The following ZFP37 variants were observed in gnomAD, a reference collection of about 807,000 sequenced individuals.
The protein encoded by ZFP37 is ZFP37 zinc finger protein, also known as zinc finger protein 37 homolog.
A neutral mutation model predicts 52.1 loss-of-function variants in ZFP37; 38 were observed. That is an observed-to-expected ratio of 0.73 (90% confidence interval 0.56 to 0.96). ZFP37 has a LOEUF of 0.96. Among genes scored for constraint, ZFP37 ranks in the 40% least tolerant of loss-of-function variants. The pLI is 0.00. For missense variants in ZFP37, 695 were observed against 741.4 expected (o/e 0.94, Z 0.73); for synonymous variants, 253 against 259.5 (o/e 0.98, Z 0.24).
Position 113,044,054 on chromosome 9 carries a change from TA to T in ZFP37, c.563del (p.Leu188Ter). The T allele has an allele frequency of 6.2e-7, 1 of 1,610,460 alleles. No individual in the cohort carries two copies. The highest frequency in any genetic ancestry group is 8.5e-7 in the Non-Finnish European group (1 of 1,179,166). The part of the protein sequence containing the change: ...ESCGKILKQN[L>X]DLPDHSRNCV... ...AGTTTCTTGAGTGATCAGGTAAATC[TA>T]AATTCTGTTTCAAAATTTTTCCACA... On this transcript the variant is annotated frameshift_variant, in exon 4 of 4. Transcript: ENST00000374227. LOFTEE classifies it high-confidence loss of function.
At position 113,043,118 on chromosome 9, in the gene ZFP37, A is replaced by G. The variant is rs1448913358; in HGVS notation, c.1500T>C (p.His500=). 9.3e-6 allele frequency: 15 copies of G among 1,613,490 alleles called. No homozygotes were observed. Among genetic ancestry groups the G allele is most frequent in the Non-Finnish European group, 1.3e-5 (15 of 1,179,940 alleles). ...TCATATGGTAAGTAAGAGATGAGCT[A>G]TGTCCAAAGGCTTTTCCACACTCAT... is the stretch of plus-strand genomic sequence containing the variant. ...KCNECGKAFG[H]SSSLTYHMRT... is the part of the protein sequence containing the mutation. Residue 500 remains histidine, a synonymous_variant, in exon 4 of 4, where the codon CAT becomes CAC. Transcript: ENST00000374227.
chr9:113,043,299 T>C lies in ZFP37; in HGVS notation c.1319A>G (p.Lys440Arg). The change falls in exon 4 of 4, where the codon AAA (lysine) becomes AGA (arginine). Residue 440 changes from lysine to arginine, a missense_variant. Lys to Arg is a conservative substitution (Grantham distance 26). Coordinates refer to ENST00000374227, the MANE Select transcript of ZFP37 (RefSeq NM_003408.3). ...AAGGGATGAGCTATACTTAAAGGCT[T>C]TTCCACATTCATTGCATTCATATGG... ...EIPYECNECG[K>R]AFKYSSSLTK... 6.2e-7 allele frequency: 1 copy of C among 1,614,040 alleles called. No homozygotes were observed. The highest frequency in any genetic ancestry group is 8.5e-7 in the Non-Finnish European group (1 of 1,179,964).
At position 113,042,736 on chromosome 9, in the gene ZFP37, A is replaced by T; in HGVS notation, c.1882T>A (p.Ser628Thr). ...TTCCCACATTAACTTCACTCATGAG[A>T]TTTATCTTCTGAATGAGTTTTCACA... is the stretch of plus-strand genomic sequence containing the variant. Reference protein sequence around the residue: ...KHVKTHSEDKSHE With the variant: ...KHVKTHSEDKTHE The change falls in exon 4 of 4, where the codon TCT becomes ACT. Residue 628 changes from serine to threonine, a missense_variant. Physicochemically the swap from Ser to Thr is moderately conservative, Grantham distance 58. Around this residue, in one of 2 missense-constraint regions of ZFP37, gnomAD observed 326 missense variants for 400.5 expected, o/e 0.81. Transcript: ENST00000374227. 1.3e-6 allele frequency: 2 copies of T among 1,566,894 alleles called. No individual in the cohort carries two copies. Among genetic ancestry groups the T allele is most frequent in the South Asian group, 2.4e-5 (2 of 83,066 alleles).
In ZFP37 at chr9:113,052,214, C is replaced by G. The variant is rs1310208271; in HGVS notation, c.133-2342G>C. Among the ~76,000 whole-genome samples, 1 of 152,188 alleles carries G rather than the reference C, an allele frequency of 6.6e-6. No individual in the cohort carries two copies. Among genetic ancestry groups the G allele is most frequent in the Non-Finnish European group, 1.5e-5 (1 of 68,034 alleles). ...GCTTCACCTGAAATCTACCTGTCTC[C>G]TGAGGATCCTGCTTCCTTATAGGAG... On this transcript the variant is annotated intron_variant, in intron 1 of 3. Coordinates refer to ENST00000374227, the MANE Select transcript of ZFP37 (RefSeq NM_003408.3). This position sits in a 1 kb window ranked among gnomAD's most constrained non-coding sequence, Gnocchi z 4.1.
In ZFP37 at chr9:113,040,875, A is replaced by G. The variant is rs569579747; in HGVS notation, c.*1850T>C. 1 of 152,340 alleles carries G rather than the reference A, an allele frequency of 6.6e-6. No individual in the cohort carries two copies. Among genetic ancestry groups the G allele is most frequent in the East Asian group, 1.9e-4 (1 of 5,188 alleles). The allele number at this position is 152,340 out of a possible 1,614,324, so 9.4% of individuals were successfully genotyped here. ...TAAAATAAAGGTATGATGTTTTTGA[A>G]AACCATTTCTGTACTTATGTCTCTG... is the stretch of plus-strand genomic sequence containing the variant. On this transcript the variant is annotated 3_prime_UTR_variant, in exon 4 of 4. Coordinates refer to ENST00000374227, the MANE Select transcript of ZFP37 (RefSeq NM_003408.3).
Position 113,042,008 on chromosome 9 carries a change from TAC to T in ZFP37, c.*715_*716del, listed in dbSNP as rs1352504633. ...ACATACAGATACATGTATATATGCA[TAC>T]AAAGATACATACACATACAGAGATA... On this transcript the variant is annotated 3_prime_UTR_variant, in exon 4 of 4. Coordinates refer to ENST00000374227, the MANE Select transcript of ZFP37 (RefSeq NM_003408.3). The T allele has an allele frequency of 1.3e-5, 2 of 152,184 alleles. No homozygotes were observed. Among genetic ancestry groups the T allele is most frequent in the Non-Finnish European group, 2.9e-5 (2 of 68,030 alleles). 9.4% of individuals were successfully genotyped at this position (152,184 alleles called of 1,614,324 possible).
At chr9:113,050,015 G>T (rs1829028659) in intron 1 of ZFP37, 143 bp from the exon 2 acceptor site, 4 of 1,300,128 alleles carry the variant, frequency 3.1e-6, no homozygotes, top group Non-Finnish European at 3.1e-6. Flanking sequence ...ACTCACTGTT[G>T]ATCATGATAT....
chr9:113,043,086 T>C lies in ZFP37; in HGVS notation c.1532A>G (p.His511Arg), dbSNP rs1210147574. ...SSSLTYHMRT[H>R]TGESPFECNQ... The stretch of plus-strand genomic sequence containing the variant: ...ACATTCAAAGGGACTTTCACCTGTA[T>C]GAGTTCTCATATGGTAAGTAAGAGA... Residue 511 changes from histidine (H) to arginine (R), a missense_variant, in exon 4 of 4, where the codon CAT becomes CGT. This residue lies in a region of ZFP37 where 326 missense variants were observed against 400.5 expected (regional missense o/e 0.81). Transcript: ENST00000374227. 2 of 1,613,670 alleles carry C rather than the reference T, an allele frequency of 1.2e-6. No homozygotes were observed.
chr9:113,043,054 A>G lies in ZFP37; in HGVS notation c.1564T>C (p.Cys522Arg). 1 of 1,613,614 alleles carries G rather than the reference A, an allele frequency of 6.2e-7. No homozygotes were observed. Among genetic ancestry groups the G allele is most frequent in the Non-Finnish European group, 8.5e-7 (1 of 1,179,950 alleles). ...TCAATTTGTTTAAAGCCTTTCCCAC[A>G]TTGATTACATTCAAAGGGACTTTCA... Reference protein sequence around the residue: ...TGESPFECNQCGKGFKQIEGL... With the variant: ...TGESPFECNQRGKGFKQIEGL... Residue 522 changes from cysteine (C) to arginine (R), a missense_variant, in exon 4 of 4, where the codon TGT (cysteine) becomes CGT (arginine). Cys to Arg is a radical substitution (Grantham distance 180). Transcript: ENST00000374227.
In ZFP37 at chr9:113,042,103, C is replaced by A. The variant is rs956537460; in HGVS notation, c.*622G>T. 6.6e-6 allele frequency: 1 copy of A among 152,228 alleles called. No individual in the cohort carries two copies. Among genetic ancestry groups the A allele is most frequent in the Non-Finnish European group, 1.5e-5 (1 of 68,050 alleles). The allele number at this position is 152,228 out of a possible 1,614,324, so 9.4% of individuals were successfully genotyped here. A position where few individuals can be genotyped will look rare whatever the true frequency, so the allele number is the denominator to read the frequency against. On this transcript the variant is annotated 3_prime_UTR_variant, in exon 4 of 4. Transcript: ENST00000374227. Reference sequence around the variant, plus strand: ...GGAACATACTATATACATGGTTCAGCAACCTACTTTTTCACACTTCACAAT... The same window carrying A: ...GGAACATACTATATACATGGTTCAGAAACCTACTTTTTCACACTTCACAAT...
In ZFP37 at chr9:113,043,148, T is replaced by G. The variant is rs1354233659; in HGVS notation, c.1470A>C (p.Lys490Asn). 1.9e-6 allele frequency: 3 copies of G among 1,613,776 alleles called. No homozygotes were observed. The highest frequency in any genetic ancestry group is 2.5e-6 in the Non-Finnish European group (3 of 1,179,916). The change falls in exon 4 of 4, where the codon AAA (lysine) becomes AAC (asparagine). Residue 490 changes from lysine to asparagine, a missense_variant. Transcript: ENST00000374227. ...QRTHTKEKPY[K>N]CNECGKAFGH... ...CAAAGGCTTTTCCACACTCATTACA[T>G]TTATAAGGTTTCTCCTTAGTATGAG...
In ZFP37 at chr9:113,050,384, T is replaced by A. The variant is rs950774550; in HGVS notation, c.133-512A>T. Among the ~76,000 whole-genome samples, 4 of 148,938 alleles carry A rather than the reference T, an allele frequency of 2.7e-5. No homozygotes were observed. The South Asian group carries it at 8.4e-4, about 31-fold the overall frequency. On this transcript the variant is annotated intron_variant, in intron 1 of 3. Coordinates refer to ENST00000374227, the MANE Select transcript of ZFP37 (RefSeq NM_003408.3). ...CTGGCTGAGAGAGTGAGACCCTGTC[T>A]CGACAAACAGAAATGTCCCTATTGT...
intron 3 of ZFP37, among the ~76,000 whole-genome samples, chr9:113,048,337 C>G (rs1330691): frequency 0.56 from 84,910 of 151,848 alleles, 23,942 homozygotes; most frequent in East Asian, 0.79. Context: ...CATGCCAAGA[C>G]ATTTGCAAAG....
At chr9:113,044,407 G>T in intron 3 of ZFP37, 139 bp from the exon 4 acceptor site, 1 of 672,830 alleles carries the variant, frequency 1.5e-6, no homozygotes, top group Non-Finnish European at 2.3e-6. Flanking sequence ...AACAACTAGG[G>T]TGAATGGACT....
rs1449184128 is a variant in ZFP37, at chr9:113,052,319, G to A, written c.133-2447C>T. Among the ~76,000 whole-genome samples the A allele has an allele frequency of 2.0e-5, 3 of 152,066 alleles. No homozygotes were observed. The highest frequency in any genetic ancestry group is 4.4e-5 in the Non-Finnish European group (3 of 68,014). On this transcript the variant is annotated intron_variant, in intron 1 of 3. Transcript: ENST00000374227. This position sits in a 1 kb window ranked among gnomAD's most constrained non-coding sequence, Gnocchi z 4.1. ...CATGTACCTCAGGGTCTAAAGATGA[G>A]GTAAATGATTACTTTCAACAATTTC...
intron 1 of ZFP37, among the ~76,000 whole-genome samples, chr9:113,051,072 T>G (rs988986508): frequency 6.6e-5 from 10 of 151,926 alleles, no homozygotes; most frequent in Admixed American, 2.6e-4. Context: ...TGAATGATTT[T>G]TAAAAGAAGT....
chr9:113,044,084 C>T lies in ZFP37; in HGVS notation c.534G>A (p.Glu178=). Residue 178 remains glutamate, a synonymous_variant, in exon 4 of 4, where the codon GAG becomes GAA. Transcript: ENST00000374227. ...VPSKKRLLKF[E]SCGKILKQNL... Reference sequence around the variant, plus strand: ...TCTGTTTCAAAATTTTTCCACATGACTCAAATTTAAGAAGCCTTTTCTTTG... The same window carrying T: ...TCTGTTTCAAAATTTTTCCACATGATTCAAATTTAAGAAGCCTTTTCTTTG... 1.2e-6 allele frequency: 2 copies of T among 1,610,096 alleles called. No individual in the cohort carries two copies. Among genetic ancestry groups the T allele is most frequent in the East Asian group, 2.2e-5 (1 of 44,844 alleles).
Position 113,043,870 on chromosome 9 carries a change from C to A in ZFP37, c.748G>T (p.Asp250Tyr), listed in dbSNP as rs1373930244. The A allele has an allele frequency of 8.7e-6, 14 of 1,613,854 alleles. No individual in the cohort carries two copies. Among genetic ancestry groups the A allele is most frequent in the Non-Finnish European group, 1.0e-5 (12 of 1,179,946 alleles). Reference protein sequence around the residue: ...DKCNKTGKKHDKLCCHSSSHI... With the variant: ...DKCNKTGKKHYKLCCHSSSHI... ...GATGAACTATGACAGCATAATTTGT[C>A]ATGTTTTTTGCCAGTTTTGTTACAC... Residue 250 changes from aspartate to tyrosine, a missense_variant, in exon 4 of 4, where the codon GAC becomes TAC. By Grantham distance (160) the Asp-to-Tyr change is radical (BLOSUM62 -3). Around this residue, in one of 2 missense-constraint regions of ZFP37, gnomAD observed 369 missense variants for 340.9 expected, o/e 1.08. Coordinates refer to ENST00000374227, the MANE Select transcript of ZFP37 (RefSeq NM_003408.3).
In ZFP37 at chr9:113,056,617, C is replaced by G; in HGVS notation, c.72G>C (p.Thr24=). ...ETVDRRRSAE[T]TKEAGRPLEM... Reference sequence around the variant, plus strand: ...CCAGTGGTCGCCCGGCCTCTTTGGTCGTTTCCGCACTTCTCCTCCGGTCCA... The same window carrying G: ...CCAGTGGTCGCCCGGCCTCTTTGGTGGTTTCCGCACTTCTCCTCCGGTCCA... The change falls in exon 1 of 4, where the codon ACG becomes ACC. Residue 24 remains threonine, a synonymous_variant. Transcript: ENST00000374227. 6.2e-7 allele frequency: 1 copy of G among 1,614,020 alleles called. No individual in the cohort carries two copies. Among genetic ancestry groups the G allele is most frequent in the Non-Finnish European group, 8.5e-7 (1 of 1,180,028 alleles).
Sources: gnomAD v4.1 joint callset for allele counts (sites outside exome capture counted in the v4.1 genomes callset) on GRCh38, gnomAD v4.1.1 for gene constraint, gnomAD v4.1.1 regional missense constraint, Gnocchi (gnomAD v3.1) non-coding constraint, MANE v1.5 for transcripts, NCBI Gene and HGNC (gene_info 2026-07-23, HGNC 2026-07-21) for gene names.